The following GADL1 variants were observed in gnomAD, a reference collection of about 807,000 sequenced individuals.
The protein encoded by GADL1 is acidic amino acid decarboxylase GADL1.
A neutral mutation model predicts 69.5 loss-of-function variants in GADL1; 71 were observed. The ratio of observed to expected loss-of-function variants is 1.02; its 90% CI spans 0.84 to 1.25. The LOEUF (loss-of-function observed/expected upper bound fraction) is 1.25. Among genes scored for constraint, GADL1 ranks in the 50% most tolerant of loss-of-function variants. The probability of loss-of-function intolerance (pLI) is 0.00; values close to 1 mark genes in which losing one functional copy is unlikely to be tolerated. For synonymous variants in GADL1, 254 were observed against 214.4 expected (o/e 1.18, Z -1.62); for missense variants, 737 against 631.8 (o/e 1.17, Z -1.79).
intron 1 of GADL1, among the ~76,000 whole-genome samples, chr3:30,892,628 A>G (rs534057185): frequency 6.6e-5 from 10 of 152,110 alleles, no homozygotes; most frequent in Admixed American, 2.0e-4. Flanking sequence ...TAAGAAAAGT[A>G]GATACCTTGG....
chr3:30,753,451 G>A (rs1019616764), intron 14 of GADL1, among the ~76,000 whole-genome samples: 7 of 151,710 alleles, frequency 4.6e-5, no homozygotes, highest in Admixed American at 2.0e-4. Context: ...TTAATTTTTA[G>A]GAAAAAATTC....
At chr3:30,799,783 C>T (rs546461052) in intron 12 of GADL1, 3 of 152,160 alleles carry the variant, frequency 2.0e-5, no homozygotes, top group Non-Finnish European at 4.4e-5. Flanking sequence ...AAATTTCTTC[C>T]ATCAGATACC....
intron 1 of GADL1, among the ~76,000 whole-genome samples, chr3:30,883,771 T>G (rs114908515): frequency 0.029 from 4,404 of 152,120 alleles, 178 homozygotes; most frequent in African/African-American, 0.09. Context: ...TTCTAATCCA[T>G]GAACACAGTA....
rs140230859 is a variant in GADL1 at position 30,850,228 on chromosome 3, G to A, written c.536-117C>T. On this transcript the variant is annotated intron_variant, in intron 5 of 14. Transcript: ENST00000282538. ...TGCTCTAGTCTAATGAAAAATCACC[G>A]TGAAAAGCACATGAACACCGACCTC... The A allele has an allele frequency of 2.5e-4, 167 of 667,366 alleles. 1 individual carries two copies. The highest frequency in any genetic ancestry group is 1.7e-3 in the African/African-American group (94 of 54,616). 41.3% of individuals were successfully genotyped at this position (667,366 alleles called of 1,614,324 possible).
intron 2 of GADL1, among the ~76,000 whole-genome samples, chr3:30,857,664 G>A (rs1029309273): frequency 1.3e-5 from 2 of 151,834 alleles, no homozygotes; most frequent in Non-Finnish European, 2.9e-5. Flanking sequence ...CTTAAGCCAT[G>A]GCCATTCCTC....
In GADL1 at chr3:30,752,186, G is replaced by A. The variant is rs201171848; in HGVS notation, c.1393-23771C>T. 9.0e-3 allele frequency among the ~76,000 whole-genome samples: 1,318 copies of A among 147,148 alleles called. 62 individuals are homozygous for A. In the East Asian group the frequency reaches 0.14, roughly 15 times the overall value. ...TGCGGCTCTGATGTAGTGCTGTTAA[G>A]TTCTCTCAGGTAACTTTAGGGTTTT... On this transcript the variant is annotated intron_variant, in intron 14 of 14. Coordinates refer to ENST00000282538, the MANE Select transcript of GADL1 (RefSeq NM_207359.3).
chr3:30,777,078 G>A (rs985150809), intron 14 of GADL1, among the ~76,000 whole-genome samples: 48 of 152,054 alleles, frequency 3.2e-4, no homozygotes, highest in Admixed American at 2.0e-4. Context: ...TTTACTCATT[G>A]TCTCTAGGAA....
At chr3:30,734,898 T>A (rs1331576769) in intron 14 of GADL1, among the ~76,000 whole-genome samples, 3 of 152,320 alleles carry the variant, frequency 2.0e-5, no homozygotes, top group Non-Finnish European at 2.9e-5. Context: ...AAACCAGTAC[T>A]TGACAGACAA....
At position 30,889,096 on chromosome 3, in the gene GADL1, A is replaced by T. The variant is rs989619898; in HGVS notation, c.37+5482T>A. Among the ~76,000 whole-genome samples, 279 of 147,408 alleles carry T rather than the reference A, an allele frequency of 1.9e-3. 6 individuals carry two copies. Among genetic ancestry groups the T allele is most frequent in the African/African-American group, 6.4e-3 (261 of 40,560 alleles). On this transcript the variant is annotated intron_variant, in intron 1 of 14. Coordinates refer to ENST00000282538, the MANE Select transcript of GADL1 (RefSeq NM_207359.3). Reference sequence around the variant, plus strand: ...ACTCGGTAATCTATAAAAAAAAAAAAAAAAAAAAAAAAAAAAAAAGAGGAT... The same window carrying T: ...ACTCGGTAATCTATAAAAAAAAAAATAAAAAAAAAAAAAAAAAAAGAGGAT...
intron 14 of GADL1, among the ~76,000 whole-genome samples, chr3:30,731,015 C>T (rs1004623239): frequency 2.6e-5 from 4 of 152,200 alleles, no homozygotes; most frequent in African/African-American, 9.6e-5. Context: ...TAAAAGTACA[C>T]TTGTTTTTAA....
chr3:30,759,862 GAT>G (rs780388949), intron 14 of GADL1, among the ~76,000 whole-genome samples: 1 of 152,152 alleles, frequency 6.6e-6, no homozygotes, highest in South Asian at 2.1e-4. Context: ...AATGTCGGCA[GAT>G]ATAACAGACT....
rs973839312 is a variant in GADL1, at chr3:30,839,112, C to G, written c.788G>C (p.Gly263Ala). The G allele has an allele frequency of 6.4e-7, 1 of 1,574,350 alleles. No homozygotes were observed. The highest frequency in any genetic ancestry group is 8.6e-7 in the Non-Finnish European group (1 of 1,160,710). The part of the protein sequence containing the change: ...EKQVWQARKE[G>A]AAPFLVCATS... ...GGCACAGACAAGAAACGGTGCTGCC[C>G]CCTGTAAGAAGGATCCACACACACA... The change falls in exon 9 of 15, where the codon GGG (glycine) becomes GCG (alanine). Residue 263 changes from glycine (G) to alanine (A), a missense_variant and splice_region_variant. Coordinates refer to ENST00000282538, the MANE Select transcript of GADL1 (RefSeq NM_207359.3).
At chr3:30,886,491 T>C (rs1016681045) in intron 1 of GADL1, among the ~76,000 whole-genome samples, 2 of 152,082 alleles carry the variant, frequency 1.3e-5, no homozygotes, top group Non-Finnish European at 1.5e-5. Context: ...AAACTTGGGC[T>C]GGTGAGAAGA....
intron 4 of GADL1, among the ~76,000 whole-genome samples, chr3:30,852,619 T>C (rs1374618430): frequency 1.3e-5 from 2 of 151,370 alleles, no homozygotes; most frequent in East Asian, 2.0e-4. Context: ...CCTACAAATA[T>C]ATATAAAATA....
At chr3:30,848,624 G>A (rs982900906) in intron 6 of GADL1, among the ~76,000 whole-genome samples, 2 of 151,914 alleles carry the variant, frequency 1.3e-5, no homozygotes, top group African/African-American at 4.8e-5. Flanking sequence ...TAGAATAGAC[G>A]GAGGCATCCA....
At chr3:30,885,845 G>A (rs1218362560) in intron 1 of GADL1, among the ~76,000 whole-genome samples, 2 of 151,926 alleles carry the variant, frequency 1.3e-5, no homozygotes, top group East Asian at 3.9e-4. Flanking sequence ...GATCTCAAGT[G>A]ATCCTCCTAC....
chr3:30,817,050 C>T (rs934435961), intron 11 of GADL1, among the ~76,000 whole-genome samples: 5 of 152,104 alleles, frequency 3.3e-5, no homozygotes, highest in East Asian at 1.9e-4. Flanking sequence ...TAAAATGAAC[C>T]GTAGACATTT....
At chr3:30,745,983 C>T (rs527695879) in intron 14 of GADL1, among the ~76,000 whole-genome samples, 49 of 144,512 alleles carry the variant, frequency 3.4e-4, no homozygotes, top group Non-Finnish European at 6.1e-4. Context: ...TCCTCCTCCT[C>T]CTTCTTCTTC....
intron 1 of GADL1, among the ~76,000 whole-genome samples, chr3:30,872,532 G>A (rs184224264): frequency 4.6e-5 from 7 of 151,986 alleles, no homozygotes; most frequent in Admixed American, 3.3e-4. Flanking sequence ...TAGAAGGCCT[G>A]TTTTTAGTTT....
Sources: allele counts gnomAD v4.1 joint callset (sites outside exome capture counted in the v4.1 genomes callset), GRCh38; gene constraint gnomAD v4.1.1; transcripts MANE v1.5; gene names NCBI Gene and HGNC (gene_info 2026-07-23, HGNC 2026-07-21).